NMT1: variants seen among roughly 807,000 people sequenced by gnomAD.
The protein encoded by NMT1 is glycylpeptide N-tetradecanoyltransferase 1.
Under a neutral mutation model 63.4 loss-of-function variants are expected in NMT1, and 12 were observed. That is an observed-to-expected ratio of 0.19 (90% CI 0.12 to 0.31). The LOEUF is 0.31. Among genes scored for constraint, NMT1 ranks in the 10% least tolerant of loss-of-function variants. The probability of loss-of-function intolerance (pLI) is 1.00; values close to 1 mark genes in which losing one functional copy is unlikely to be tolerated. For missense variants in NMT1, 432 were observed against 634.6 expected, an observed-to-expected ratio of 0.68 and a Z score of 3.43; for synonymous variants, 228 against 234.3, an observed-to-expected ratio of 0.97 and a Z score of 0.25.
At chr17:45,091,127 C>T (rs1204947558) in intron 3 of NMT1, among the ~76,000 whole-genome samples, 2 of 151,290 alleles carry the variant, frequency 1.3e-5, no homozygotes, top group Non-Finnish European at 2.9e-5. Flanking sequence ...TGCAGCCTGG[C>T]TGATTCCTAA....
intron 1 of NMT1, among the ~76,000 whole-genome samples, chr17:45,068,288 A>G (rs945226588): frequency 1.3e-5 from 2 of 152,202 alleles, no homozygotes; most frequent in African/African-American, 4.8e-5. Context: ...CCGGGCCAAC[A>G]TGGCAAAACC....
chr17:45,098,592 T>C (rs1398025727), intron 7 of NMT1, 40 bp downstream of exon 7: 1 of 1,591,616 alleles, frequency 6.3e-7, no homozygotes, highest in Non-Finnish European at 8.6e-7. Flanking sequence ...AATGCGGGTG[T>C]CTGCACTGTA....
chr17:45,104,319 C>T lies in NMT1; in HGVS notation c.1332+443C>T. On this transcript the variant is annotated intron_variant, in intron 10 of 11. Coordinates refer to ENST00000258960, the MANE Select transcript of NMT1 (RefSeq NM_021079.5). The surrounding 1 kb of genome is among the most constrained non-coding windows in gnomAD (Gnocchi z 4.2). Reference sequence around the variant, plus strand: ...TCTGGTAACCTGTGCCCAGCCCAGCCCAGCCTGCTGTAGGCAATCTGGTCC... The same window carrying T: ...TCTGGTAACCTGTGCCCAGCCCAGCTCAGCCTGCTGTAGGCAATCTGGTCC... 2 of 1,170,664 alleles carry T rather than the reference C, an allele frequency of 1.7e-6. No individual in the cohort carries two copies. The highest frequency in any genetic ancestry group is 2.1e-6 in the Non-Finnish European group (2 of 936,874). 72.5% of individuals were successfully genotyped at this position (1,170,664 alleles called of 1,614,324 possible).
chr17:45,094,219 G>T (rs2054108838), intron 4 of NMT1, among the ~76,000 whole-genome samples: 1 of 151,990 alleles, frequency 6.6e-6, no homozygotes, highest in Admixed American at 6.5e-5. Flanking sequence ...ATGTCGCCGG[G>T]CGTGGTGGCT....
rs2054199949 is a variant in NMT1 at position 45,105,859 on chromosome 17, C to T, written c.*220C>T. On this transcript the variant is annotated 3_prime_UTR_variant, in exon 12 of 12. Coordinates refer to ENST00000258960, the MANE Select transcript of NMT1 (RefSeq NM_021079.5). This position sits in a 1 kb window ranked among gnomAD's most constrained non-coding sequence, Gnocchi z 4.2. ...TCGTGTCTCTGGTCTCCGTGTTTTCCAGTTAATTACATCCTCATGCAGCCG... is the reference window on the plus strand; with the variant it reads ...TCGTGTCTCTGGTCTCCGTGTTTTCTAGTTAATTACATCCTCATGCAGCCG... 1.8e-6 allele frequency: 1 copy of T among 541,426 alleles called. No individual in the cohort carries two copies. Among genetic ancestry groups the T allele is most frequent in the Non-Finnish European group, 3.2e-6 (1 of 310,018 alleles). 33.5% of individuals were successfully genotyped at this position (541,426 alleles called of 1,614,324 possible). A position where few individuals can be genotyped will look rare whatever the true frequency, so the allele number is the denominator to read the frequency against.
chr17:45,068,867 G>A lies in NMT1; in HGVS notation c.131+7407G>A, dbSNP rs185017869. Among the ~76,000 whole-genome samples the A allele has an allele frequency of 3.3e-4, 51 of 152,250 alleles. 2 individuals are homozygous for A. The highest frequency in any genetic ancestry group is 2.7e-3 in the Admixed American group (41 of 15,284). Reference sequence around the variant, plus strand: ...TTGCCATGTTGGTCAGGCTGGTCTCGAACTCCTGGCCTCAAGCAGTCCACC... The same window carrying A: ...TTGCCATGTTGGTCAGGCTGGTCTCAAACTCCTGGCCTCAAGCAGTCCACC... On this transcript the variant is annotated intron_variant, in intron 1 of 11. Coordinates refer to ENST00000258960, the MANE Select transcript of NMT1 (RefSeq NM_021079.5).
chr17:45,077,552 G>A (rs1400099298), intron 1 of NMT1, among the ~76,000 whole-genome samples: 9 of 152,034 alleles, frequency 5.9e-5, no homozygotes, highest in African/African-American at 1.4e-4. Flanking sequence ...CACCACGCCC[G>A]GCTAATTTTG....
At chr17:45,081,439 T>G (rs975718102) in intron 1 of NMT1, among the ~76,000 whole-genome samples, 7 of 152,078 alleles carry the variant, frequency 4.6e-5, no homozygotes, top group Non-Finnish European at 7.4e-5. Flanking sequence ...TGCCCAGCAC[T>G]CCCTCCCTGA....
chr17:45,061,869 C>T (rs2053864264), intron 1 of NMT1: 2 of 158,398 alleles, frequency 1.3e-5, no homozygotes, highest in Admixed American at 6.1e-5. Flanking sequence ...CATTTCGCAG[C>T]AGTTCACCCT....
Position 45,104,306 on chromosome 17 carries a change from TGCCCA to T in NMT1, c.1332+444_1332+448del, listed in dbSNP as rs368709421. 2 of 1,177,796 alleles carry T rather than the reference TGCCCA, an allele frequency of 1.7e-6. No homozygotes were observed. Among genetic ancestry groups the T allele is most frequent in the Non-Finnish European group, 1.1e-6 (1 of 940,234 alleles). 73.0% of individuals were successfully genotyped at this position (1,177,796 alleles called of 1,614,324 possible). A position where few individuals can be genotyped will look rare whatever the true frequency, so the allele number is the denominator to read the frequency against. On this transcript the variant is annotated intron_variant, in intron 10 of 11. Transcript: ENST00000258960. This position sits in a 1 kb window ranked among gnomAD's most constrained non-coding sequence, Gnocchi z 4.2. ...CTTTGCTGTGGGTTCTGGTAACCTG[TGCCCA>T]GCCCAGCCCAGCCTGCTGTAGGCAA...
At chr17:45,073,306 CT>C (rs1413044446) in intron 1 of NMT1, among the ~76,000 whole-genome samples, 1 of 151,996 alleles carries the variant, frequency 6.6e-6, no homozygotes, top group Non-Finnish European at 1.5e-5. Flanking sequence ...GAAATCCCAG[CT>C]TTTCAGGAGG....
At chr17:45,074,587 G>T (rs539179017) in intron 1 of NMT1, among the ~76,000 whole-genome samples, 23 of 152,200 alleles carry the variant, frequency 1.5e-4, no homozygotes, top group African/African-American at 4.8e-4. Flanking sequence ...CCCTGTATTT[G>T]CTAGGTTGGT....
intron 3 of NMT1, among the ~76,000 whole-genome samples, chr17:45,087,931 T>TGC (rs1177582692): frequency 6.6e-6 from 1 of 152,202 alleles, no homozygotes; most frequent in African/African-American, 2.4e-5. Flanking sequence ...ATTGCCTAAT[T>TGC]GCTAGTAGAA....
At chr17:45,096,837 C>CT (rs1368580714) in intron 5 of NMT1, among the ~76,000 whole-genome samples, 2 of 152,234 alleles carry the variant, frequency 1.3e-5, no homozygotes, top group African/African-American at 2.4e-5. Flanking sequence ...ACCAAAGATG[C>CT]CAGTACCTTG....
At chr17:45,094,751 G>A (rs2054112913) in intron 4 of NMT1, among the ~76,000 whole-genome samples, 1 of 150,050 alleles carries the variant, frequency 6.7e-6, no homozygotes, top group Admixed American at 6.7e-5. Flanking sequence ...CTGACCTCAG[G>A]TGATCTGCCC....
Position 45,104,483 on chromosome 17 carries a change from A to C in NMT1, c.1333-376A>C. The C allele has an allele frequency of 9.1e-7, 1 of 1,101,322 alleles. No individual in the cohort carries two copies. 68.2% of individuals were successfully genotyped at this position (1,101,322 alleles called of 1,614,324 possible). On this transcript the variant is annotated intron_variant, in intron 10 of 11. Transcript: ENST00000258960. This position sits in a 1 kb window ranked among gnomAD's most constrained non-coding sequence, Gnocchi z 4.2. ...GGGGCATCCATGGAGTAAGGAAGCA[A>C]CACAAACCCCATGTAGCTGACCAGA...
intron 6 of NMT1, 45 bp from the exon 7 acceptor site, chr17:45,098,337 C>T (rs961659834): frequency 2.2e-5 from 35 of 1,587,636 alleles, no homozygotes; most frequent in Non-Finnish European, 3.0e-5. Context: ...TCACCATTCC[C>T]TTCCCTGTTA....
intron 1 of NMT1, among the ~76,000 whole-genome samples, chr17:45,071,924 T>A (rs916843497): frequency 6.6e-6 from 1 of 151,924 alleles, no homozygotes; most frequent in Non-Finnish European, 1.5e-5. Flanking sequence ...TCTCAAGGAG[T>A]AGGACAGAGC....
chr17:45,096,499 C>T (rs1413576331), intron 5 of NMT1, among the ~76,000 whole-genome samples: 1 of 152,186 alleles, frequency 6.6e-6, no homozygotes. Flanking sequence ...GGGAGACCTT[C>T]GTAGAGCTAG....
Sources: allele counts gnomAD v4.1 joint callset (sites outside exome capture counted in the v4.1 genomes callset), GRCh38; gene constraint gnomAD v4.1.1; non-coding constraint Gnocchi (gnomAD v3.1); transcripts MANE v1.5; gene names NCBI Gene and HGNC (gene_info 2026-07-23, HGNC 2026-07-21).